The following CPN1 variants were observed in gnomAD, a reference collection of about 807,000 sequenced individuals.
CPN1 encodes the protein carboxypeptidase N catalytic chain.
Under a neutral mutation model 46.4 loss-of-function variants are expected in CPN1, and 37 were observed. The observed-to-expected ratio is 0.80, with a 90% CI of 0.61 to 1.05. The LOEUF (loss-of-function observed/expected upper bound fraction) is 1.05. Among genes scored for constraint, CPN1 ranks in the 50% least tolerant of loss-of-function variants. The pLI is 0.00. For missense variants in CPN1, 563 were observed against 602.6 expected (o/e 0.93, Z 0.69); for synonymous variants, 224 against 235.4 (o/e 0.95, Z 0.44).
chr10:100,064,462 C>A (rs1589475822), intron 4 of CPN1, among the ~76,000 whole-genome samples: 1 of 151,054 alleles, frequency 6.6e-6, no homozygotes, highest in African/African-American at 2.4e-5. Flanking sequence ...CTCACTGCAA[C>A]CTCCGCCTCC....
At chr10:100,052,892 G>A (rs1379892961) in intron 7 of CPN1, among the ~76,000 whole-genome samples, 1 of 152,014 alleles carries the variant, frequency 6.6e-6, no homozygotes, top group Non-Finnish European at 1.5e-5. Context: ...AGCTATTTGG[G>A]AGGCTGAGGC....
chr10:100,045,731 A>C (rs1422783222), intron 8 of CPN1, among the ~76,000 whole-genome samples: 1 of 152,226 alleles, frequency 6.6e-6, no homozygotes, highest in African/African-American at 2.4e-5. Context: ...CATCTACCTC[A>C]CAGGGTTGTT....
Position 100,081,791 on chromosome 10 carries a change from A to G in CPN1, c.-166T>C, listed in dbSNP as rs1425496902. ...GTCCGTCCAAGGCTGGAAATTCTTTATGTCGTTCTGGAATAGCCACTCATC... is the reference window on the plus strand; with the variant it reads ...GTCCGTCCAAGGCTGGAAATTCTTTGTGTCGTTCTGGAATAGCCACTCATC... On this transcript the variant is annotated 5_prime_UTR_variant, in exon 1 of 9. An upstream open reading frame in the 5' UTR loses its in-frame stop. Coordinates refer to ENST00000370418, the MANE Select transcript of CPN1 (RefSeq NM_001308.3). 3 of 675,596 alleles carry G rather than the reference A, an allele frequency of 4.4e-6. No individual in the cohort carries two copies. Among genetic ancestry groups the G allele is most frequent in the African/African-American group, 1.8e-5 (1 of 56,464 alleles). 41.9% of individuals were successfully genotyped at this position (675,596 alleles called of 1,614,324 possible).
Position 100,081,622 on chromosome 10 carries a change from A to G in CPN1, c.4T>C (p.Ser2Pro). 6.2e-7 allele frequency: 1 copy of G among 1,614,006 alleles called. No individual in the cohort carries two copies. Among genetic ancestry groups the G allele is most frequent in the East Asian group, 2.2e-5 (1 of 44,870 alleles). ...TGGAGGAAGACTGAGAGCAGGTCTGACATCTTGCTGGGCTTTTTCAAAGAG... is the reference window on the plus strand; with the variant it reads ...TGGAGGAAGACTGAGAGCAGGTCTGGCATCTTGCTGGGCTTTTTCAAAGAG... The part of the protein sequence containing the change: M[S>P]DLLSVFLHLL... The change falls in exon 1 of 9, where the codon TCA (serine) becomes CCA (proline). Residue 2 changes from serine to proline, a missense_variant. Ser to Pro is a moderately conservative substitution (Grantham distance 74). Coordinates refer to ENST00000370418, the MANE Select transcript of CPN1 (RefSeq NM_001308.3).
In CPN1 at chr10:100,048,400, C is replaced by T. The variant is rs1206597091; in HGVS notation, c.1230+358G>A. Reference sequence around the variant, plus strand: ...GGCAAAGATTAGAGCTGTGCAATCACTTAAGATTTTGCAAGGGCCAAGGGT... The same window carrying T: ...GGCAAAGATTAGAGCTGTGCAATCATTTAAGATTTTGCAAGGGCCAAGGGT... On this transcript the variant is annotated intron_variant, in intron 8 of 8. Coordinates refer to ENST00000370418, the MANE Select transcript of CPN1 (RefSeq NM_001308.3). 2.0e-5 allele frequency among the ~76,000 whole-genome samples: 3 copies of T among 152,052 alleles called. No individual in the cohort carries two copies. The East Asian group carries it at 5.8e-4, about 29-fold the overall frequency.
At chr10:100,054,130 A>G (rs1038837742) in intron 7 of CPN1, among the ~76,000 whole-genome samples, 5 of 152,180 alleles carry the variant, frequency 3.3e-5, no homozygotes, top group Non-Finnish European at 7.3e-5. Flanking sequence ...CTTGCATCAG[A>G]AGCAAAAGAT....
At position 100,081,750 on chromosome 10, in the gene CPN1, G is replaced by C; in HGVS notation, c.-125C>G. 3 of 775,188 alleles carry C rather than the reference G, an allele frequency of 3.9e-6. No individual in the cohort carries two copies. The highest frequency in any genetic ancestry group is 2.9e-5 in the South Asian group (2 of 68,184). 48.0% of individuals were successfully genotyped at this position (775,188 alleles called of 1,614,324 possible). On this transcript the variant is annotated 5_prime_UTR_variant, in exon 1 of 9. Coordinates refer to ENST00000370418, the MANE Select transcript of CPN1 (RefSeq NM_001308.3). ...CGCTTGTAAACACCAGTCCAAATTG[G>C]AAGACGTTCCCAGCTGTCCGTCCAA...
chr10:100,043,407 A>AG (rs1027043176), intron 8 of CPN1, among the ~76,000 whole-genome samples: 5 of 151,830 alleles, frequency 3.3e-5, no homozygotes, highest in African/African-American at 1.2e-4. Context: ...AAAGAAAAAA[A>AG]AAAGTAAAGA....
At chr10:100,065,021 C>T (rs1349985252) in intron 4 of CPN1, among the ~76,000 whole-genome samples, 167 bp downstream of exon 4, 5 of 152,168 alleles carry the variant, frequency 3.3e-5, no homozygotes, top group African/African-American at 1.2e-4. Flanking sequence ...TATGGCTTAT[C>T]ATTCAAAACC....
Position 100,076,507 on chromosome 10 carries a change from T to C in CPN1, c.224-400A>G, listed in dbSNP as rs549536734. ...CCCAGGTGGCACTTACAGTGCCATT[T>C]ACAGTAGCATGCTGCTTCTCAGAGA... On this transcript the variant is annotated intron_variant, in intron 1 of 8. Coordinates refer to ENST00000370418, the MANE Select transcript of CPN1 (RefSeq NM_001308.3). Among the ~76,000 whole-genome samples the C allele has an allele frequency of 1.2e-4, 18 of 152,370 alleles. No individual in the cohort carries two copies. The South Asian group carries it at 3.7e-3, about 32-fold the overall frequency.
At chr10:100,058,357 C>T (rs2041397057) in intron 5 of CPN1, among the ~76,000 whole-genome samples, 1 of 152,166 alleles carries the variant, frequency 6.6e-6, no homozygotes, top group South Asian at 2.1e-4. Context: ...ATTTTGCTTT[C>T]ACATCCCTTC....
chr10:100,062,201 T>C (rs1343994159), intron 5 of CPN1, among the ~76,000 whole-genome samples: 3 of 152,132 alleles, frequency 2.0e-5, no homozygotes, highest in Admixed American at 6.5e-5. Flanking sequence ...CTAAAAGAAC[T>C]CAGCTTCTTG....
At chr10:100,043,543 T>C (rs986508829) in intron 8 of CPN1, among the ~76,000 whole-genome samples, 17 of 152,188 alleles carry the variant, frequency 1.1e-4, no homozygotes, top group Admixed American at 9.8e-4. Flanking sequence ...ACAGGTGCCA[T>C]GCTCAGGCAT....
chr10:100,061,161 A>C (rs1411709760), intron 5 of CPN1, among the ~76,000 whole-genome samples: 1 of 152,220 alleles, frequency 6.6e-6, no homozygotes, highest in Non-Finnish European at 1.5e-5. Context: ...ATGATAGCAC[A>C]AAAGGGTGAC....
chr10:100,048,508 G>A (rs1423605525), intron 8 of CPN1, among the ~76,000 whole-genome samples: 1 of 152,078 alleles, frequency 6.6e-6, no homozygotes, highest in African/African-American at 2.4e-5. Context: ...GACCAGCCTG[G>A]GTAACATGAC....
At chr10:100,059,623 T>C (rs2041405877) in intron 5 of CPN1, among the ~76,000 whole-genome samples, 1 of 146,980 alleles carries the variant, frequency 6.8e-6, no homozygotes, top group Non-Finnish European at 1.5e-5. Flanking sequence ...TTGGTGAGGA[T>C]GTGGAAAAAT....
intron 7 of CPN1, 40 bp downstream of exon 7, chr10:100,054,307 G>A: frequency 6.7e-7 from 1 of 1,490,988 alleles, no homozygotes; most frequent in East Asian, 2.3e-5. Flanking sequence ...AGATGCAGGA[G>A]TTAACGCTTC....
At chr10:100,064,745 C>A (rs1264425687) in intron 4 of CPN1, among the ~76,000 whole-genome samples, 2 of 151,930 alleles carry the variant, frequency 1.3e-5, no homozygotes, top group African/African-American at 4.8e-5. Flanking sequence ...GTTAACATAT[C>A]GTTTTGAACT....
intron 7 of CPN1, among the ~76,000 whole-genome samples, chr10:100,051,753 T>C (rs2041355536): frequency 6.6e-6 from 1 of 152,084 alleles, no homozygotes; most frequent in Non-Finnish European, 1.5e-5. Context: ...GGTCTTGAAC[T>C]CCTGACCTTA....
Sources: gnomAD v4.1 joint callset for allele counts (sites outside exome capture counted in the v4.1 genomes callset) on GRCh38, gnomAD v4.1.1 for gene constraint, MANE v1.5 for transcripts, NCBI Gene and HGNC (gene_info 2026-07-23, HGNC 2026-07-21) for gene names.